NALCN: variants seen among roughly 807,000 people sequenced by gnomAD.
The protein encoded by NALCN is sodium leak channel, non-selective.
NALCN carries 111 observed loss-of-function variants against 225.3 expected under a neutral mutation model. The ratio of observed to expected loss-of-function variants is 0.49; its 90% CI spans 0.42 to 0.58. The LOEUF is 0.58. Among genes scored for constraint, NALCN ranks in the 20% least tolerant of loss-of-function variants. The pLI, the probability that NALCN is intolerant of heterozygous loss-of-function variation, is 0.00. For synonymous variants in NALCN, 764 were observed against 769.0 expected, an observed-to-expected ratio of 0.99 and a Z score of 0.11; for missense variants, 1,378 against 2,202.4, an observed-to-expected ratio of 0.63 and a Z score of 7.49.
intron 14 of NALCN, among the ~76,000 whole-genome samples, chr13:101,189,098 C>A (rs1662073): frequency 0.36 from 55,135 of 151,970 alleles, 10,595 homozygotes; most frequent in African/African-American, 0.43. Flanking sequence ...GTAGGGATGC[C>A]CCTTATCCTC....
intron 1 of NALCN, among the ~76,000 whole-genome samples, chr13:101,403,136 C>A (rs2047523597): frequency 1.3e-5 from 2 of 152,200 alleles, no homozygotes; most frequent in Non-Finnish European, 2.9e-5. Flanking sequence ...TCTTATTTCT[C>A]ATTCACTCAC....
intron 15 of NALCN, among the ~76,000 whole-genome samples, chr13:101,155,909 GTTTAC>G (rs1439153356): frequency 6.6e-6 from 1 of 151,978 alleles, no homozygotes; most frequent in Admixed American, 6.6e-5. Flanking sequence ...GCAATTTTCT[GTTTAC>G]TTCATTTATT....
At chr13:101,116,750 A>G (rs2139670128) in intron 18 of NALCN, among the ~76,000 whole-genome samples, 1 of 152,314 alleles carries the variant, frequency 6.6e-6, no homozygotes, top group Non-Finnish European at 1.5e-5. Flanking sequence ...TTTTGCTCAA[A>G]TCTTGAACTC....
intron 6 of NALCN, among the ~76,000 whole-genome samples, chr13:101,345,845 T>C (rs909272139): frequency 7.6e-5 from 11 of 144,886 alleles, no homozygotes; most frequent in Non-Finnish European, 1.4e-4. Flanking sequence ...ACCAAATCAC[T>C]GATGACAAGC....
intron 6 of NALCN, among the ~76,000 whole-genome samples, chr13:101,345,901 TAG>T (rs988562417): frequency 1.5e-5 from 2 of 136,412 alleles, no homozygotes; most frequent in African/African-American, 5.3e-5. Context: ...CTTTGAAATA[TAG>T]AGTCAGTTAA....
intron 6 of NALCN, among the ~76,000 whole-genome samples, chr13:101,359,759 G>T (rs1015353748): frequency 6.6e-6 from 1 of 152,152 alleles, no homozygotes; most frequent in Non-Finnish European, 1.5e-5. Context: ...AGAAACACAG[G>T]CTCTTCCACT....
intron 17 of NALCN, among the ~76,000 whole-genome samples, chr13:101,128,338 C>T (rs558327789): frequency 4.6e-5 from 7 of 152,268 alleles, no homozygotes; most frequent in Admixed American, 2.0e-4. Context: ...AGTTAAAACA[C>T]GTTTCCAGAA....
intron 41 of NALCN, among the ~76,000 whole-genome samples, chr13:101,060,275 G>GGTTTTTTTT (rs1555373024): frequency 1.3e-5 from 1 of 79,854 alleles, no homozygotes; most frequent in East Asian, 4.3e-4. Flanking sequence ...GGTGTTTTCT[G>GGTTTTTTTT]TTTTTTTTTT....
intron 15 of NALCN, among the ~76,000 whole-genome samples, chr13:101,166,565 T>C (rs1457764895): frequency 4.6e-5 from 7 of 152,188 alleles, no homozygotes; most frequent in Non-Finnish European, 1.0e-4. Flanking sequence ...GTATTTTGCC[T>C]ATTTTTAAAA....
intron 3 of NALCN, among the ~76,000 whole-genome samples, chr13:101,387,137 C>T (rs1369062109): frequency 7.0e-6 from 1 of 142,970 alleles, no homozygotes; most frequent in Non-Finnish European, 1.5e-5. Context: ...AGGAGAATGG[C>T]GTGAACCCGG....
At chr13:101,083,890 G>C (rs1475073158) in intron 30 of NALCN, 86 bp from the exon 31 acceptor site, 2 of 1,255,864 alleles carry the variant, frequency 1.6e-6, no homozygotes, top group African/African-American at 2.9e-5. Flanking sequence ...AGACAAACAG[G>C]ACTGATGTGA....
chr13:101,173,081 G>A (rs779480870), intron 15 of NALCN, among the ~76,000 whole-genome samples: 2 of 152,308 alleles, frequency 1.3e-5, no homozygotes, highest in Admixed American at 6.5e-5. Context: ...CTTGAGTGGC[G>A]TTTGCCATCG....
At chr13:101,181,575 A>C (rs1163649448) in intron 14 of NALCN, among the ~76,000 whole-genome samples, 2 of 139,600 alleles carry the variant, frequency 1.4e-5, no homozygotes, top group African/African-American at 5.0e-5. Flanking sequence ...CTCTCAAAAA[A>C]AAAAAAAACA....
chr13:101,390,293 T>C (rs2047108208), intron 3 of NALCN, among the ~76,000 whole-genome samples: 1 of 150,930 alleles, frequency 6.6e-6, no homozygotes, highest in South Asian at 2.1e-4. Flanking sequence ...GAACAAAAAC[T>C]GTTCAGGAAA....
Position 101,107,551 on chromosome 13 carries a change from T to C in NALCN, c.2515A>G (p.Ile839Val), listed in dbSNP as rs1187179061. ...NHPYFDKPLF[I>V]VGREHRFRNF... ...CTGAACCTGTGTTCTCGCCCGACAA[T>C]GAACAGTGGCTTATCGAAGTATGGG... The change falls in exon 22 of 44, where the codon ATT becomes GTT. Residue 839 changes from isoleucine (I) to valine (V), a missense_variant. Coordinates refer to ENST00000251127, the MANE Select transcript of NALCN (RefSeq NM_052867.4). The C allele has an allele frequency of 6.2e-7, 1 of 1,614,154 alleles. No individual in the cohort carries two copies. Among genetic ancestry groups the C allele is most frequent in the Non-Finnish European group, 8.5e-7 (1 of 1,179,984 alleles).
In NALCN at chr13:101,091,936, A is replaced by C. The variant is rs556908054; in HGVS notation, c.3270-1970T>G. Reference sequence around the variant, plus strand: ...ACTTCAATAGTTGGAAGAATTTATCACATTAAAAAAATAAGTCTTTTTCAG... The same window carrying C: ...ACTTCAATAGTTGGAAGAATTTATCCCATTAAAAAAATAAGTCTTTTTCAG... On this transcript the variant is annotated intron_variant, in intron 28 of 43. Transcript: ENST00000251127. Among the ~76,000 whole-genome samples the C allele has an allele frequency of 1.4e-4, 22 of 152,332 alleles. No individual in the cohort carries two copies. The East Asian group carries it at 3.9e-3, about 27-fold the overall frequency.
At chr13:101,259,891 C>CT (rs529860714) in intron 10 of NALCN, among the ~76,000 whole-genome samples, 39 of 151,714 alleles carry the variant, frequency 2.6e-4, no homozygotes, top group Admixed American at 2.4e-3. Context: ...ATGTTACACT[C>CT]TTTAAGTTAT....
At position 101,342,160 on chromosome 13, in the gene NALCN, G is replaced by A. The variant is rs551491021; in HGVS notation, c.799+3106C>T. Among the ~76,000 whole-genome samples, 16 of 152,272 alleles carry A rather than the reference G, an allele frequency of 1.1e-4. No homozygotes were observed. In the South Asian group the frequency reaches 3.1e-3, roughly 30 times the overall value. Reference sequence around the variant, plus strand: ...ATAATACAGGTGTGTGTGTGTCTATGTGTGTATTTCTTTAGTCCAATGGTT... The same window carrying A: ...ATAATACAGGTGTGTGTGTGTCTATATGTGTATTTCTTTAGTCCAATGGTT... On this transcript the variant is annotated intron_variant, in intron 7 of 43. Transcript: ENST00000251127.
At chr13:101,379,707 C>T (rs2046794094) in intron 3 of NALCN, among the ~76,000 whole-genome samples, 1 of 151,920 alleles carries the variant, frequency 6.6e-6, no homozygotes. Context: ...CACACACGGG[C>T]CTGTCAAGAG....
Sources: gnomAD v4.1 joint callset for allele counts (sites outside exome capture counted in the v4.1 genomes callset) on GRCh38, gnomAD v4.1.1 for gene constraint, MANE v1.5 for transcripts, NCBI Gene and HGNC (gene_info 2026-07-23, HGNC 2026-07-21) for gene names.